DCAF1: variants seen among roughly 807,000 people sequenced by gnomAD.
The protein encoded by DCAF1 is DDB1- and CUL4-associated factor 1.
Under a neutral mutation model 128.0 loss-of-function variants are expected in DCAF1, and 15 were observed. That is an observed-to-expected ratio of 0.12 (90% CI 0.08 to 0.18). The LOEUF (loss-of-function observed/expected upper bound fraction) is 0.18, where lower values mean the gene tolerates loss of function less well. DCAF1 is among the 10% of genes least tolerant of loss of function. The probability of loss-of-function intolerance (pLI) is 1.00; values close to 1 mark genes in which losing one functional copy is unlikely to be tolerated. For synonymous variants in DCAF1, 610 were observed against 603.0 expected, an observed-to-expected ratio of 1.01 and a Z score of -0.17; for missense variants, 988 against 1,649.5, an observed-to-expected ratio of 0.60 and a Z score of 6.95.
chr3:51,447,327 T>C (rs1701975600), intron 6 of DCAF1, among the ~76,000 whole-genome samples: 1 of 151,280 alleles, frequency 6.6e-6, no homozygotes, highest in Admixed American at 6.6e-5. Flanking sequence ...TGAGAATCGC[T>C]TGAACCTGGA....
rs192812510 is a variant in DCAF1 at position 51,441,943 on chromosome 3, G to T, written c.514-46C>A. ...AAAAAGGGGGTGCCTCTTTATTAAGGATTAAGTAATCCTTAATAATTCTTA... is the reference window on the plus strand; with the variant it reads ...AAAAAGGGGGTGCCTCTTTATTAAGTATTAAGTAATCCTTAATAATTCTTA... On this transcript the variant is annotated intron_variant, in intron 7 of 24. Transcript: ENST00000684031. 1.3e-3 allele frequency: 1,989 copies of T among 1,533,104 alleles called. 15 individuals carry two copies. The highest frequency in any genetic ancestry group is 2.5e-3 in the East Asian group (111 of 44,526). 95.0% of individuals were successfully genotyped at this position (1,533,104 alleles called of 1,614,324 possible).
At chr3:51,490,205 C>A (rs1452473935) in intron 2 of DCAF1, among the ~76,000 whole-genome samples, 1 of 152,086 alleles carries the variant, frequency 6.6e-6, no homozygotes, top group African/African-American at 2.4e-5. Context: ...TGCTTGAGCT[C>A]AGGAATTCAA....
rs782476957 is a variant in DCAF1, at chr3:51,398,559, T to G, written c.*210A>C. On this transcript the variant is annotated 3_prime_UTR_variant, in exon 25 of 25. Coordinates refer to ENST00000684031, the MANE Select transcript of DCAF1 (RefSeq NM_001387579.1). Reference sequence around the variant, plus strand: ...GATGTGGGGGGTGCAGAGTAGGGCCTAGTCCCTGTTGTCATTTTTGTGGTG... The same window carrying G: ...GATGTGGGGGGTGCAGAGTAGGGCCGAGTCCCTGTTGTCATTTTTGTGGTG... The G allele has an allele frequency of 1.3e-5, 8 of 608,242 alleles. No homozygotes were observed. Among genetic ancestry groups the G allele is most frequent in the Admixed American group, 3.0e-5 (1 of 33,688 alleles). The allele number at this position is 608,242 out of a possible 1,614,324, so 37.7% of individuals were successfully genotyped here. A position where few individuals can be genotyped will look rare whatever the true frequency, so the allele number is the denominator to read the frequency against.
At chr3:51,462,397 C>T (rs573392156) in intron 6 of DCAF1, among the ~76,000 whole-genome samples, 10 of 151,842 alleles carry the variant, frequency 6.6e-5, no homozygotes, top group African/African-American at 1.9e-4. Flanking sequence ...CCAGCCTGGG[C>T]GACAGAGCAA....
chr3:51,395,898 T>TTTTTG, downstream of DCAF1: 1 of 413,504 alleles, frequency 2.4e-6, no homozygotes, highest in Admixed American at 4.4e-5. Flanking sequence ...TATTTGCCTG[T>TTTTTG]TTTTGTTTTT....
chr3:51,499,508 A>C (rs1288373730), intron 1 of DCAF1, among the ~76,000 whole-genome samples: 1 of 152,164 alleles, frequency 6.6e-6, no homozygotes, highest in African/African-American at 2.4e-5. Context: ...CGTACGGAAC[A>C]GAGACTAGGA....
upstream of DCAF1, among the ~76,000 whole-genome samples, chr3:51,504,029 C>T (rs948702399): frequency 6.6e-6 from 1 of 151,396 alleles, no homozygotes; most frequent in Non-Finnish European, 1.5e-5. Context: ...CTCAGAAGCC[C>T]CTGAACATTT....
intron 2 of DCAF1, among the ~76,000 whole-genome samples, chr3:51,489,348 G>C (rs2108499618): frequency 6.6e-6 from 1 of 152,204 alleles, no homozygotes; most frequent in East Asian, 1.9e-4. Context: ...CATGAGAATT[G>C]CTTGAATCGA....
intron 3 of DCAF1, 148 bp from the exon 4 acceptor site, chr3:51,471,153 T>C (rs1351444576): frequency 2.1e-6 from 1 of 479,190 alleles, no homozygotes; most frequent in East Asian, 3.0e-5. Context: ...ATCTACACAA[T>C]TATCTCATAA....
chr3:51,478,660 TG>T (rs1274391626), intron 3 of DCAF1, among the ~76,000 whole-genome samples: 5 of 152,132 alleles, frequency 3.3e-5, no homozygotes, highest in African/African-American at 9.7e-5. Context: ...TTTTTTGTTT[TG>T]TTTTTTTAAT....
chr3:51,398,852 C>G lies in DCAF1; in HGVS notation c.4466-25G>C, dbSNP rs782804979. 7.6e-6 allele frequency: 12 copies of G among 1,569,640 alleles called. No homozygotes were observed. The African/African-American group carries it at 1.1e-4, about 14-fold the overall frequency. On this transcript the variant is annotated intron_variant, in intron 24 of 24. Coordinates refer to ENST00000684031, the MANE Select transcript of DCAF1 (RefSeq NM_001387579.1). ...GCTGAAAGGGAAGAAAAGGGAGAGA[C>G]AAGATTACACACTAGGCTTATAGGA...
At chr3:51,475,010 C>T (rs1318330202) in intron 3 of DCAF1, among the ~76,000 whole-genome samples, 1 of 151,868 alleles carries the variant, frequency 6.6e-6, no homozygotes, top group African/African-American at 2.4e-5. Context: ...GTCTCTAACT[C>T]CTGACCTCAT....
chr3:51,411,058 G>T (rs9853900), intron 23 of DCAF1, among the ~76,000 whole-genome samples: 1,626 of 152,082 alleles, frequency 0.011, 42 homozygotes, highest in African/African-American at 0.036. Context: ...CTACTCAGGA[G>T]GCTGAGGCAG....
At chr3:51,483,898 TGAA>T in intron 2 of DCAF1, 62 bp from the exon 3 acceptor site, 1 of 1,166,000 alleles carries the variant, frequency 8.6e-7, no homozygotes, top group Non-Finnish European at 1.3e-6. Context: ...CAAATAAAAG[TGAA>T]GAAGGGGTAG....
chr3:51,487,414 A>G (rs1487119731), intron 2 of DCAF1, among the ~76,000 whole-genome samples: 6 of 152,228 alleles, frequency 3.9e-5, no homozygotes, highest in Non-Finnish European at 5.9e-5. Context: ...TTAAGAAACC[A>G]ACATTGTTAC....
At chr3:51,422,494 A>G (rs1261137292) in intron 13 of DCAF1, 63 bp from the exon 14 acceptor site, 4 of 712,314 alleles carry the variant, frequency 5.6e-6, no homozygotes, top group African/African-American at 5.2e-5. Context: ...AGAGAGACAG[A>G]GAGAGAGACA....
intron 6 of DCAF1, among the ~76,000 whole-genome samples, chr3:51,459,707 C>T (rs1703328259): frequency 6.6e-6 from 1 of 152,188 alleles, no homozygotes; most frequent in South Asian, 2.1e-4. Context: ...AGCTTATCTA[C>T]CATGATCAAG....
At chr3:51,395,875 A>G (rs1341178191), downstream of DCAF1, 10 of 413,512 alleles carry the variant, frequency 2.4e-5, no homozygotes, top group African/African-American at 2.1e-4. Flanking sequence ...AAGACATGTT[A>G]AGCATGTTTA....
intron 3 of DCAF1, among the ~76,000 whole-genome samples, chr3:51,471,863 C>T (rs1340139147): frequency 6.6e-6 from 1 of 151,580 alleles, no homozygotes; most frequent in African/African-American, 2.4e-5. Context: ...GAGTGAAACT[C>T]TGTCTCAAAA....
Sources: allele counts gnomAD v4.1 joint callset (sites outside exome capture counted in the v4.1 genomes callset), GRCh38; gene constraint gnomAD v4.1.1; transcripts MANE v1.5; gene names NCBI Gene and HGNC (gene_info 2026-07-23, HGNC 2026-07-21).